Variants in NRP2 observed in about 807,000 individuals in gnomAD.
NRP2 encodes neuropilin 2, also known as neuropilin-2.
A neutral mutation model predicts 110.4 loss-of-function variants in NRP2; 52 were observed. That is an observed-to-expected ratio of 0.47 (90% CI 0.38 to 0.59). The LOEUF (loss-of-function observed/expected upper bound fraction) is 0.59. Ranked by LOEUF, NRP2 falls within the 20% of genes least tolerant of loss-of-function variation. The pLI is 0.00. For missense variants in NRP2, 1,049 were observed against 1,203.0 expected (o/e 0.87, Z 1.89); for synonymous variants, 508 against 468.9 (o/e 1.08, Z -1.08).
At chr2:205,710,374 T>C (rs572679399) in intron 2 of NRP2, among the ~76,000 whole-genome samples, 11 of 152,308 alleles carry the variant, frequency 7.2e-5, no homozygotes, top group Non-Finnish European at 1.3e-4. Flanking sequence ...TGGATGGTAA[T>C]TGTAACAGGG....
intron 10 of NRP2, 90 bp downstream of exon 10, chr2:205,745,980 G>A (rs949475771): frequency 5.5e-6 from 8 of 1,465,424 alleles, no homozygotes; most frequent in African/African-American, 1.4e-5. Flanking sequence ...TGTGGAGGGG[G>A]CAGCCATCCC....
Position 205,752,865 on chromosome 2 carries a change from A to AT in NRP2, c.1936dup (p.Cys646LeufsTer15). 1 of 1,614,158 alleles carries AT rather than the reference A, an allele frequency of 6.2e-7. No individual in the cohort carries two copies. Among genetic ancestry groups the AT allele is most frequent in the Non-Finnish European group, 8.5e-7 (1 of 1,180,024 alleles). On this transcript the variant is annotated frameshift_variant, in exon 12 of 17. Transcript: ENST00000357785. LOFTEE classifies it high-confidence loss of function. ...GATTTGCAGCTCCCTTCGGGATTCA[A>AT]TTGCAACTTCGATTTCCTCGAGGAG...
chr2:205,721,653 T>C (rs373446580), intron 3 of NRP2, among the ~76,000 whole-genome samples: 1 of 152,290 alleles, frequency 6.6e-6, no homozygotes, highest in South Asian at 2.1e-4. Flanking sequence ...TGTGCCGCAT[T>C]TAATCAGGAT....
intron 3 of NRP2, among the ~76,000 whole-genome samples, chr2:205,717,154 G>A (rs2056915739): frequency 1.3e-5 from 2 of 152,162 alleles, no homozygotes; most frequent in South Asian, 2.1e-4. Flanking sequence ...TCCCAGTGGT[G>A]TGTCCTCTTC....
chr2:205,791,716 C>T (rs1287752658), intron 15 of NRP2, among the ~76,000 whole-genome samples: 1 of 152,180 alleles, frequency 6.6e-6, no homozygotes, highest in Non-Finnish European at 1.5e-5. Flanking sequence ...GGCATTATGA[C>T]ATGCCTTCCA....
chr2:205,706,066 A>G (rs765320321), intron 2 of NRP2, among the ~76,000 whole-genome samples: 6 of 150,812 alleles, frequency 4.0e-5, no homozygotes, highest in Non-Finnish European at 7.4e-5. Flanking sequence ...TACTCCCCCA[A>G]TCCCCCCACA....
chr2:205,742,386 TAATAAACA>T (rs2057458386), intron 8 of NRP2, among the ~76,000 whole-genome samples: 1 of 152,194 alleles, frequency 6.6e-6, no homozygotes, highest in South Asian at 2.1e-4. Flanking sequence ...GCAAGATAGA[TAATAAACA>T]AATGCAAGTA....
intron 15 of NRP2, chr2:205,767,118 A>G: frequency 6.4e-6 from 3 of 465,572 alleles, no homozygotes; most frequent in Middle Eastern, 1.2e-3. Flanking sequence ...GGGTGGTGAG[A>G]AAGGAGAGAC....
intron 1 of NRP2, among the ~76,000 whole-genome samples, chr2:205,683,583 TGTGA>T (rs923842932): frequency 1.0e-4 from 15 of 150,668 alleles, no homozygotes; most frequent in African/African-American, 9.9e-5. Context: ...TGTGTGTGTG[TGTGA>T]GTGTGTTTTG....
At chr2:205,735,481 A>AT (rs1010185122) in intron 7 of NRP2, among the ~76,000 whole-genome samples, 3 of 148,212 alleles carry the variant, frequency 2.0e-5, no homozygotes, top group African/African-American at 7.3e-5. Context: ...TTATATATAT[A>AT]ATGTATATTA....
chr2:205,719,131 G>A (rs1048391949), intron 3 of NRP2, among the ~76,000 whole-genome samples: 28 of 152,196 alleles, frequency 1.8e-4, no homozygotes, highest in Middle Eastern at 3.2e-3. Context: ...AGAAATGGGT[G>A]GACATGCTGA....
Position 205,740,532 on chromosome 2 carries a change from A to G in NRP2, c.1160A>G (p.Asn387Ser). ...CTTACGCTACAGGTATTTCAAGCCA[A>G]CAACGATGCAACTGAGGTGGTTCTG... ...HGKNHKVFQA[N>S]NDATEVVLNK... is the part of the protein sequence containing the mutation. Residue 387 changes from asparagine to serine, a missense_variant, in exon 8 of 17, where the codon AAC (asparagine) becomes AGC (serine). Physicochemically the swap from Asn to Ser is conservative, Grantham distance 46. Transcript: ENST00000357785. The G allele has an allele frequency of 6.2e-7, 1 of 1,614,284 alleles. No individual in the cohort carries two copies. The highest frequency in any genetic ancestry group is 8.5e-7 in the Non-Finnish European group (1 of 1,180,058).
At chr2:205,749,654 G>A (rs1257925203) in intron 10 of NRP2, 71 bp from the exon 11 acceptor site, 2 of 1,183,804 alleles carry the variant, frequency 1.7e-6, no homozygotes, top group Non-Finnish European at 2.5e-6. Flanking sequence ...GAGATGTTTG[G>A]CATCTTCCTC....
intron 2 of NRP2, chr2:205,701,310 CAGGTCACCTGAGGTCAGG>C (rs2056551941): frequency 6.6e-6 from 1 of 152,086 alleles, no homozygotes; most frequent in African/African-American, 2.4e-5. Context: ...CCGAGGCAGG[CAGGTCACCTGAGGTCAGG>C]AGTTCGAGAC....
chr2:205,697,465 C>T (rs916734074), intron 1 of NRP2, 79 bp from the exon 2 acceptor site: 6 of 1,288,698 alleles, frequency 4.7e-6, no homozygotes, highest in South Asian at 1.2e-5. Flanking sequence ...GACACTGGTA[C>T]AGAAGAGAAG....
At position 205,763,793 on chromosome 2, in the gene NRP2, G is replaced by A. The variant is rs1276047235; in HGVS notation, c.2164G>A (p.Ala722Thr). The A allele has an allele frequency of 6.2e-7, 1 of 1,614,128 alleles. No homozygotes were observed. The highest frequency in any genetic ancestry group is 8.5e-7 in the Non-Finnish European group (1 of 1,180,016). Reference sequence around the variant, plus strand: ...GGTGTGCATGGAGTTCCAGTACCAGGCCACGGGCGGCCGCGGGGTGGCGCT... The same window carrying A: ...GGTGTGCATGGAGTTCCAGTACCAGACCACGGGCGGCCGCGGGGTGGCGCT... Reference protein sequence around the residue: ...SPVCMEFQYQATGGRGVALQV... With the variant: ...SPVCMEFQYQTTGGRGVALQV... Residue 722 changes from alanine (A) to threonine (T), a missense_variant, in exon 13 of 17, where the codon GCC (alanine) becomes ACC (threonine). Physicochemically the swap from Ala to Thr is moderately conservative, Grantham distance 58. Transcript: ENST00000357785. The surrounding 1 kb of genome is among the most constrained non-coding windows in gnomAD (Gnocchi z 4.0).
chr2:205,738,279 C>T (rs2057380138), intron 7 of NRP2, among the ~76,000 whole-genome samples: 1 of 152,188 alleles, frequency 6.6e-6, no homozygotes, highest in Non-Finnish European at 1.5e-5. Flanking sequence ...CACACACAGT[C>T]CCCATCACCA....
chr2:205,749,766 A>T lies in NRP2; in HGVS notation c.1828A>T (p.Ser610Cys). 6.2e-7 allele frequency: 1 copy of T among 1,614,188 alleles called. No individual in the cohort carries two copies. The highest frequency in any genetic ancestry group is 1.1e-5 in the South Asian group (1 of 91,088). ...TVETLGPTVKSEETTTPYPTE... is the reference protein window; with the variant it reads ...TVETLGPTVKCEETTTPYPTE... ...AGAGACGCTGGGACCCACTGTGAAGAGCGAAGAGACAACCACCCCCTACCC... is the reference window on the plus strand; with the variant it reads ...AGAGACGCTGGGACCCACTGTGAAGTGCGAAGAGACAACCACCCCCTACCC... The change falls in exon 11 of 17, where the codon AGC becomes TGC. Residue 610 changes from serine (S) to cysteine (C), a missense_variant. Transcript: ENST00000357785.
At chr2:205,750,239 C>T (rs2057619441) in intron 11 of NRP2, among the ~76,000 whole-genome samples, 1 of 152,202 alleles carries the variant, frequency 6.6e-6, no homozygotes, top group South Asian at 2.1e-4. Flanking sequence ...TATGCTACAG[C>T]GAAGTGAAGA....
Sources: allele counts gnomAD v4.1 joint callset (sites outside exome capture counted in the v4.1 genomes callset), GRCh38; gene constraint gnomAD v4.1.1; non-coding constraint Gnocchi (gnomAD v3.1); transcripts MANE v1.5; gene names NCBI Gene and HGNC (gene_info 2026-07-23, HGNC 2026-07-21).